Variants in NEURL1 observed in about 807,000 individuals in gnomAD.
NEURL1 encodes neuralized E3 ubiquitin protein ligase 1.
Under a neutral mutation model 41.2 loss-of-function variants are expected in NEURL1, and 26 were observed. That is an observed-to-expected ratio of 0.63 (90% CI 0.46 to 0.87). The LOEUF (loss-of-function observed/expected upper bound fraction) is 0.87. NEURL1 is among the 40% of genes least tolerant of loss of function. The pLI is 0.00. For missense variants in NEURL1, 761 were observed against 871.1 expected, an observed-to-expected ratio of 0.87 and a Z score of 1.59; for synonymous variants, 400 against 402.3, an observed-to-expected ratio of 0.99 and a Z score of 0.07.
Position 103,508,538 on chromosome 10 carries a change from C to T in NEURL1, c.85+14066C>T, listed in dbSNP as rs564340379. On this transcript the variant is annotated intron_variant, in intron 1 of 5. Coordinates refer to ENST00000369780, the MANE Select transcript of NEURL1 (RefSeq NM_004210.5). The surrounding 1 kb of genome is among the most constrained non-coding windows in gnomAD (Gnocchi z 4.3). Reference sequence around the variant, plus strand: ...GGACAGACTTTCTCACCCACCCCTCCGCAAGTCCCATGCAGGAAACCCCCT... The same window carrying T: ...GGACAGACTTTCTCACCCACCCCTCTGCAAGTCCCATGCAGGAAACCCCCT... 5.1e-4 allele frequency among the ~76,000 whole-genome samples: 77 copies of T among 152,298 alleles called. No homozygotes were observed. Among genetic ancestry groups the T allele is most frequent in the African/African-American group, 9.6e-4 (40 of 41,568 alleles).
chr10:103,503,380 G>C, intron 1 of NEURL1, among the ~76,000 whole-genome samples: 1 of 152,044 alleles, frequency 6.6e-6, no homozygotes, highest in Non-Finnish European at 1.5e-5. Flanking sequence ...AAGAGGAGGA[G>C]GAATAAGCAG....
At position 103,558,482 on chromosome 10, in the gene NEURL1, T is replaced by C. The variant is rs1412138376; in HGVS notation, c.86-12390T>C. Among the ~76,000 whole-genome samples, 1 of 150,056 alleles carries C rather than the reference T, an allele frequency of 6.7e-6. No homozygotes were observed. The highest frequency in any genetic ancestry group is 1.5e-5 in the Non-Finnish European group (1 of 67,716). ...CATGCGGGGGCAGCCACATCTGTGG[T>C]ACTCTGTGCCTGTGCCATGCCTGTG... On this transcript the variant is annotated intron_variant, in intron 1 of 5. Coordinates refer to ENST00000369780, the MANE Select transcript of NEURL1 (RefSeq NM_004210.5). This position sits in a 1 kb window ranked among gnomAD's most constrained non-coding sequence, Gnocchi z 4.2.
At position 103,527,325 on chromosome 10, in the gene NEURL1, C is replaced by T. The variant is rs183724258; in HGVS notation, c.85+32853C>T. On this transcript the variant is annotated intron_variant, in intron 1 of 5. Transcript: ENST00000369780. Reference sequence around the variant, plus strand: ...GTTTTTTTTTTTTGAGGCAGAGTCTCGCTCTGTTGCCCAGGCTGGAGTGCC... The same window carrying T: ...GTTTTTTTTTTTTGAGGCAGAGTCTTGCTCTGTTGCCCAGGCTGGAGTGCC... 3.4e-4 allele frequency among the ~76,000 whole-genome samples: 47 copies of T among 139,728 alleles called. No individual in the cohort carries two copies. In the East Asian group the frequency reaches 9.1e-3, roughly 27 times the overall value. The allele number at this position is 139,728 out of a possible 152,430, so 91.7% of individuals were successfully genotyped here. A position where few individuals can be genotyped will look rare whatever the true frequency, so the allele number is the denominator to read the frequency against.
At chr10:103,494,728 A>G in intron 1 of NEURL1, 2 of 503,578 alleles carry the variant, frequency 4.0e-6, no homozygotes, top group Non-Finnish European at 7.0e-6. Context: ...CCATGGTCTT[A>G]GGCGAGCCTG....
intron 1 of NEURL1, among the ~76,000 whole-genome samples, chr10:103,550,140 G>A (rs936578507): frequency 6.6e-6 from 1 of 152,214 alleles, no homozygotes. Flanking sequence ...GGCAGGTTTA[G>A]GCTGGGAATG....
chr10:103,568,767 G>A (rs1371657634), intron 1 of NEURL1, among the ~76,000 whole-genome samples: 1 of 151,920 alleles, frequency 6.6e-6, no homozygotes, highest in Non-Finnish European at 1.5e-5. Context: ...CCACACCATC[G>A]CAGGCATTCA....
intron 4 of NEURL1, among the ~76,000 whole-genome samples, chr10:103,588,305 CAA>C (rs10678308): frequency 2.1e-4 from 24 of 115,838 alleles, no homozygotes; most frequent in South Asian, 8.6e-4. Flanking sequence ...GACTCCGTCT[CAA>C]AAAAAAAAAA....
At chr10:103,523,679 T>C (rs953096944) in intron 1 of NEURL1, among the ~76,000 whole-genome samples, 9 of 152,166 alleles carry the variant, frequency 5.9e-5, no homozygotes, top group African/African-American at 1.4e-4. Flanking sequence ...CTTCCACATA[T>C]GAATGAGAAC....
intron 1 of NEURL1, among the ~76,000 whole-genome samples, chr10:103,499,045 A>G (rs970458622): frequency 6.6e-6 from 1 of 152,190 alleles, no homozygotes; most frequent in African/African-American, 2.4e-5. Context: ...TCTTCTGGGT[A>G]TACACCTAAG....
At position 103,585,007 on chromosome 10, in the gene NEURL1, C is replaced by T. The variant is rs761976266; in HGVS notation, c.1121C>T (p.Pro374Leu). 6.3e-6 allele frequency: 10 copies of T among 1,576,172 alleles called. No individual in the cohort carries two copies. ...TLRPADLPFS[P>L]EALVDRKEFW... ...CGGCCGGCCGACCTGCCTTTCAGCC[C>T]TGAGGCCCTGGTGGACCGCAAGGAA... The change falls in exon 4 of 6, where the codon CCT (proline) becomes CTT (leucine). Residue 374 changes from proline (P) to leucine (L), a missense_variant. This residue lies in a region of NEURL1 where 443 missense variants were observed against 408.1 expected (regional missense o/e 1.09). Coordinates refer to ENST00000369780, the MANE Select transcript of NEURL1 (RefSeq NM_004210.5).
chr10:103,529,083 G>C (rs1165645614), intron 1 of NEURL1, among the ~76,000 whole-genome samples: 4 of 152,066 alleles, frequency 2.6e-5, no homozygotes, highest in African/African-American at 9.7e-5. Flanking sequence ...CTAATAACAG[G>C]TGTACCATAG....
intron 3 of NEURL1, chr10:103,578,014 G>C (rs926728770): frequency 6.6e-6 from 1 of 152,138 alleles, no homozygotes; most frequent in African/African-American, 2.4e-5. Context: ...GAGAGTGGTG[G>C]GGCTCAGGGT....
intron 3 of NEURL1, among the ~76,000 whole-genome samples, chr10:103,580,684 T>G (rs2035767239): frequency 6.6e-6 from 1 of 152,142 alleles, no homozygotes; most frequent in African/African-American, 2.4e-5. Flanking sequence ...TGCCTGCAGC[T>G]GCTCCTGACC....
At chr10:103,502,124 G>C (rs1007672706) in intron 1 of NEURL1, among the ~76,000 whole-genome samples, 6 of 152,178 alleles carry the variant, frequency 3.9e-5, no homozygotes, top group Admixed American at 3.9e-4. Flanking sequence ...GAAGAGTGCT[G>C]CCCAGAAACA....
At chr10:103,495,559 C>T (rs1029413314) in intron 1 of NEURL1, among the ~76,000 whole-genome samples, 2 of 152,144 alleles carry the variant, frequency 1.3e-5, no homozygotes, top group Non-Finnish European at 2.9e-5. Context: ...CTTCAGGTTC[C>T]CAAAGCCAGC....
intron 1 of NEURL1, chr10:103,555,397 C>T: frequency 1.1e-5 from 15 of 1,360,198 alleles, no homozygotes; most frequent in Non-Finnish European, 1.5e-5. Context: ...GACAGATCAC[C>T]CGGAGCACTC....
At chr10:103,557,926 T>A (rs1394658209) in intron 1 of NEURL1, among the ~76,000 whole-genome samples, 1 of 152,162 alleles carries the variant, frequency 6.6e-6, no homozygotes, top group African/African-American at 2.4e-5. Flanking sequence ...GCCACCCAGA[T>A]TGGAGTGCAG....
intron 1 of NEURL1, among the ~76,000 whole-genome samples, chr10:103,525,663 T>C (rs946050090): frequency 6.6e-5 from 10 of 152,184 alleles, no homozygotes; most frequent in Non-Finnish European, 1.3e-4. Flanking sequence ...AGTCTTTTGT[T>C]TTTCTATATA....
chr10:103,564,983 C>T (rs1028547706), intron 1 of NEURL1, among the ~76,000 whole-genome samples: 4 of 152,204 alleles, frequency 2.6e-5, no homozygotes, highest in African/African-American at 9.6e-5. Context: ...ATGAGAACAG[C>T]GCCCCCTAGA....
Sources: allele counts gnomAD v4.1 joint callset (sites outside exome capture counted in the v4.1 genomes callset), GRCh38; gene constraint gnomAD v4.1.1; regional missense constraint gnomAD v4.1.1; non-coding constraint Gnocchi (gnomAD v3.1); transcripts MANE v1.5; gene names NCBI Gene and HGNC (gene_info 2026-07-23, HGNC 2026-07-21).